ALPK1: variants seen among roughly 807,000 people sequenced by gnomAD.
The protein encoded by ALPK1 is alpha kinase 1, also known as alpha-protein kinase 1.
Under a neutral mutation model 120.6 loss-of-function variants are expected in ALPK1, and 110 were observed. The ratio of observed to expected loss-of-function variants is 0.91; its 90% CI spans 0.78 to 1.07. ALPK1 has a LOEUF of 1.07. Among genes scored for constraint, ALPK1 ranks in the 50% least tolerant of loss-of-function variants. The probability of loss-of-function intolerance (pLI) is 0.00; values close to 1 mark genes in which losing one functional copy is unlikely to be tolerated. For missense variants in ALPK1, 1,498 were observed against 1,483.9 expected (o/e 1.01, Z -0.16); for synonymous variants, 582 against 560.3 (o/e 1.04, Z -0.55).
At chr4:112,309,517 G>A (rs368503233) in intron 1 of ALPK1, among the ~76,000 whole-genome samples, 7 of 152,134 alleles carry the variant, frequency 4.6e-5, no homozygotes, top group East Asian at 3.8e-4. Flanking sequence ...AGCAATGAGC[G>A]AGGCTCCGTG....
chr4:112,373,955 A>C (rs539335021), intron 2 of ALPK1, among the ~76,000 whole-genome samples: 2 of 152,316 alleles, frequency 1.3e-5, no homozygotes, highest in African/African-American at 4.8e-5. Context: ...GTCTTGCTTC[A>C]ATGTTGATGG....
chr4:112,369,103 T>C (rs1160479720), intron 2 of ALPK1, among the ~76,000 whole-genome samples: 1 of 152,262 alleles, frequency 6.6e-6, no homozygotes, highest in Admixed American at 6.5e-5. Flanking sequence ...TAAAATGTTT[T>C]TGCAGCATTT....
chr4:112,384,302 A>G (rs185142698), intron 4 of ALPK1: 2 of 152,368 alleles, frequency 1.3e-5, no homozygotes, highest in East Asian at 3.9e-4. Flanking sequence ...TATCTAAAGT[A>G]AGCTGTAGGC....
At chr4:112,325,517 A>G (rs928319223) in intron 2 of ALPK1, among the ~76,000 whole-genome samples, 2 of 152,382 alleles carry the variant, frequency 1.3e-5, no homozygotes, top group African/African-American at 4.8e-5. Flanking sequence ...ATTCACATTC[A>G]AAGTCCAGAC....
chr4:112,302,369 C>T (rs1727826724), intron 1 of ALPK1: 2 of 152,340 alleles, frequency 1.3e-5, no homozygotes, highest in African/African-American at 2.4e-5. Flanking sequence ...GGAGATCCCT[C>T]TACTTGTTGA....
chr4:112,439,811 G>A lies in ALPK1; in HGVS notation c.3477G>A (p.Leu1159=), dbSNP rs748092385. The A allele has an allele frequency of 6.3e-7, 1 of 1,586,628 alleles. No individual in the cohort carries two copies. The highest frequency in any genetic ancestry group is 1.1e-5 in the South Asian group (1 of 87,268). Residue 1159 remains leucine, a synonymous_variant, in exon 14 of 16, where the codon TTG becomes TTA. Coordinates refer to ENST00000650871, the MANE Select transcript of ALPK1 (RefSeq NM_025144.4). ...AATACAAAGCCACAGAATATGGCTTGGCCTATGGCCATTTTTCTTATGAGT... is the reference window on the plus strand; with the variant it reads ...AATACAAAGCCACAGAATATGGCTTAGCCTATGGCCATTTTTCTTATGAGT... ...KTEYKATEYG[L]AYGHFSYEFS... is the part of the protein sequence containing the mutation.
chr4:112,323,892 T>C (rs1336639786), intron 2 of ALPK1, among the ~76,000 whole-genome samples: 1 of 152,196 alleles, frequency 6.6e-6, no homozygotes, highest in Non-Finnish European at 1.5e-5. Flanking sequence ...ATGAACATCA[T>C]GCTGACATCT....
At chr4:112,360,305 C>T (rs1730857401) in intron 2 of ALPK1, among the ~76,000 whole-genome samples, 1 of 152,074 alleles carries the variant, frequency 6.6e-6, no homozygotes. Context: ...ATATATATGA[C>T]ATTTTCTTTG....
chr4:112,420,716 T>C (rs903251735), intron 5 of ALPK1, among the ~76,000 whole-genome samples: 2 of 152,204 alleles, frequency 1.3e-5, no homozygotes, highest in Admixed American at 1.3e-4. Flanking sequence ...GGACAAGAAT[T>C]ATTTCTTGAT....
intron 4 of ALPK1, among the ~76,000 whole-genome samples, chr4:112,405,781 TG>T (rs1281696211): frequency 4.6e-5 from 7 of 152,156 alleles, no homozygotes; most frequent in Non-Finnish European, 1.5e-5. Context: ...TTCACTACGT[TG>T]GCCAGGCTGG....
chr4:112,439,070 C>A (rs1456871954), intron 13 of ALPK1, among the ~76,000 whole-genome samples: 1 of 152,172 alleles, frequency 6.6e-6, no homozygotes, highest in Non-Finnish European at 1.5e-5. Flanking sequence ...CACTAACATA[C>A]CCCTTTCAAT....
At chr4:112,384,411 T>A (rs1387928854) in intron 4 of ALPK1, 1 of 152,256 alleles carries the variant, frequency 6.6e-6, no homozygotes, top group African/African-American at 2.4e-5. Flanking sequence ...ACTTGAAATG[T>A]GGTGAATGGG....
chr4:112,345,000 A>G (rs1008157955), intron 2 of ALPK1, among the ~76,000 whole-genome samples: 1 of 152,134 alleles, frequency 6.6e-6, no homozygotes, highest in East Asian at 1.9e-4. Flanking sequence ...GAAGTTGGAG[A>G]TTTTCTTTCC....
At chr4:112,323,241 C>G (rs1728939864) in intron 2 of ALPK1, among the ~76,000 whole-genome samples, 1 of 152,204 alleles carries the variant, frequency 6.6e-6, no homozygotes, top group Non-Finnish European at 1.5e-5. Context: ...TTAACTAAAC[C>G]TCCTTTCCCT....
At chr4:112,354,619 C>G (rs923285595) in intron 2 of ALPK1, among the ~76,000 whole-genome samples, 1 of 152,092 alleles carries the variant, frequency 6.6e-6, no homozygotes, top group Non-Finnish European at 1.5e-5. Context: ...AAGCATGAGC[C>G]ACCATACCCA....
chr4:112,415,488 T>C (rs1733699386), intron 5 of ALPK1, among the ~76,000 whole-genome samples: 1 of 151,940 alleles, frequency 6.6e-6, no homozygotes, highest in Admixed American at 6.6e-5. Flanking sequence ...ATACAAAAAA[T>C]TAGCCTGGTG....
At chr4:112,307,178 G>T (rs917686068) in intron 1 of ALPK1, among the ~76,000 whole-genome samples, 13 of 152,086 alleles carry the variant, frequency 8.5e-5, no homozygotes, top group Non-Finnish European at 1.8e-4. Context: ...CAACTATGTG[G>T]TCAGTTTTGG....
At chr4:112,308,973 A>G (rs1489076266) in intron 1 of ALPK1, among the ~76,000 whole-genome samples, 2 of 151,944 alleles carry the variant, frequency 1.3e-5, no homozygotes, top group Admixed American at 1.3e-4. Flanking sequence ...AACAGTCAGG[A>G]CCCTCAGCTG....
chr4:112,377,972 T>C (rs1188763339), intron 3 of ALPK1, 74 bp downstream of exon 3: 1 of 1,449,718 alleles, frequency 6.9e-7, no homozygotes, highest in Non-Finnish European at 9.2e-7. Flanking sequence ...AACGACACGT[T>C]CTTATCTCTG....
Sources: allele counts gnomAD v4.1 joint callset (sites outside exome capture counted in the v4.1 genomes callset), GRCh38; gene constraint gnomAD v4.1.1; transcripts MANE v1.5; gene names NCBI Gene and HGNC (gene_info 2026-07-23, HGNC 2026-07-21).